SMAD1: variants seen among roughly 807,000 people sequenced by gnomAD.
SMAD1 encodes the protein SMAD family member 1.
A neutral mutation model predicts 41.6 loss-of-function variants in SMAD1; 6 were observed. The ratio of observed to expected loss-of-function variants is 0.14; its 90% CI spans 0.08 to 0.28. The LOEUF is 0.28. SMAD1 is among the 10% of genes least tolerant of loss of function. SMAD1 has a pLI of 1.00. For missense variants in SMAD1, 379 were observed against 582.6 expected (o/e 0.65, Z 3.60); for synonymous variants, 206 against 203.2 (o/e 1.01, Z -0.12).
chr4:145,542,595 A>G lies in SMAD1; in HGVS notation c.672A>G (p.Pro224=). 6.2e-7 allele frequency: 1 copy of G among 1,607,806 alleles called. No individual in the cohort carries two copies. The highest frequency in any genetic ancestry group is 8.5e-7 in the Non-Finnish European group (1 of 1,177,420). The stretch of plus-strand genomic sequence containing the variant: ...AAAACTTTGTAGCTGATACGCCCCC[A>G]CCTGCTTACCTGCCTCCTGAAGACC... ...SPFQMPADTP[P]PAYLPPEDPM... Residue 224 remains proline (P), a synonymous_variant, in exon 4 of 7, where the codon CCA becomes CCG. Coordinates refer to ENST00000302085, the MANE Select transcript of SMAD1 (RefSeq NM_005900.3).
chr4:145,491,005 A>G (rs764066051), intron 1 of SMAD1, among the ~76,000 whole-genome samples: 1 of 152,152 alleles, frequency 6.6e-6, no homozygotes, highest in Non-Finnish European at 1.5e-5. Flanking sequence ...GGGGAGTTTG[A>G]TTTATGCCAC....
At chr4:145,488,554 A>G (rs1270713936) in intron 1 of SMAD1, among the ~76,000 whole-genome samples, 2 of 144,086 alleles carry the variant, frequency 1.4e-5, no homozygotes, top group Admixed American at 1.3e-4. Flanking sequence ...AGACCTTTAT[A>G]GCTTTTTTTT....
chr4:145,496,839 T>A (rs551327607), intron 1 of SMAD1, among the ~76,000 whole-genome samples: 137 of 152,310 alleles, frequency 9.0e-4, no homozygotes, highest in African/African-American at 3.1e-3. Context: ...CCCTTTGAAG[T>A]TGGTGGTGAT....
chr4:145,496,292 A>C (rs947134373), intron 1 of SMAD1, among the ~76,000 whole-genome samples: 1 of 152,178 alleles, frequency 6.6e-6, no homozygotes, highest in African/African-American at 2.4e-5. Flanking sequence ...ACTACTGTGG[A>C]GAAGCAGTAG....
chr4:145,520,585 A>T (rs543944864), intron 2 of SMAD1, among the ~76,000 whole-genome samples: 1 of 152,216 alleles, frequency 6.6e-6, no homozygotes, highest in Admixed American at 6.5e-5. Flanking sequence ...TTAATTTTGC[A>T]TGTTTGGATA....
At chr4:145,520,618 A>G (rs1397532749) in intron 2 of SMAD1, among the ~76,000 whole-genome samples, 1 of 152,210 alleles carries the variant, frequency 6.6e-6, no homozygotes, top group African/African-American at 2.4e-5. Flanking sequence ...TGCTCTTTCC[A>G]GAGTTTTCCT....
At position 145,558,516 on chromosome 4, in the gene SMAD1, T is replaced by C. The variant is rs1732969991; in HGVS notation, c.*582T>C. ...CTTGCTGTCAGAATAATGCTAGGCA[T>C]ATGCTTTTTGCTAAATATGTATGTA... On this transcript the variant is annotated 3_prime_UTR_variant, in exon 7 of 7. Transcript: ENST00000302085. Among the ~76,000 whole-genome samples the C allele has an allele frequency of 6.6e-6, 1 of 152,226 alleles. No individual in the cohort carries two copies. The highest frequency in any genetic ancestry group is 1.5e-5 in the Non-Finnish European group (1 of 68,050).
chr4:145,482,564 G>C lies in SMAD1; in HGVS notation c.-177+526G>C, dbSNP rs1417995641. 6.6e-6 allele frequency: 1 copy of C among 150,424 alleles called. No homozygotes were observed. Among genetic ancestry groups the C allele is most frequent in the Non-Finnish European group, 1.5e-5 (1 of 67,438 alleles). The allele number at this position is 150,424 out of a possible 1,614,324, so 9.3% of individuals were successfully genotyped here. On this transcript the variant is annotated intron_variant, in intron 1 of 6. Coordinates refer to ENST00000302085, the MANE Select transcript of SMAD1 (RefSeq NM_005900.3). This position sits in a 1 kb window ranked among gnomAD's most constrained non-coding sequence, Gnocchi z 4.2. Reference sequence around the variant, plus strand: ...CTGGCGCTGCTCTCCAAGGCGCCTGGTGGAGCGGGTCTCGCGGGCGGGGGA... The same window carrying C: ...CTGGCGCTGCTCTCCAAGGCGCCTGCTGGAGCGGGTCTCGCGGGCGGGGGA...
At chr4:145,554,472 C>G (rs377283797) in intron 6 of SMAD1, among the ~76,000 whole-genome samples, 25 of 152,038 alleles carry the variant, frequency 1.6e-4, no homozygotes, top group African/African-American at 6.0e-4. Context: ...AGCAAGTGAT[C>G]TTTTTGTAAA....
chr4:145,499,424 C>G lies in SMAD1; in HGVS notation c.-176-15014C>G, dbSNP rs140722417. On this transcript the variant is annotated intron_variant, in intron 1 of 6. Transcript: ENST00000302085. The stretch of plus-strand genomic sequence containing the variant: ...ATCACTTAGCCCAGAAGTTTGAGAC[C>G]AGCTTGGGCAATGTGGCAAAACCCT... 3.7e-3 allele frequency among the ~76,000 whole-genome samples: 565 copies of G among 152,256 alleles called. 3 individuals are homozygous for G. Among genetic ancestry groups the G allele is most frequent in the African/African-American group, 0.013 (533 of 41,546 alleles).
At chr4:145,553,655 A>C in intron 5 of SMAD1, 129 bp from the exon 6 acceptor site, 1 of 826,524 alleles carries the variant, frequency 1.2e-6, no homozygotes, top group African/African-American at 1.7e-5. Flanking sequence ...TACAGGACCT[A>C]GAGAATAGCT....
In SMAD1 at chr4:145,511,019, G is replaced by A. The variant is rs527448855; in HGVS notation, c.-176-3419G>A. Among the ~76,000 whole-genome samples, 24 of 152,122 alleles carry A rather than the reference G, an allele frequency of 1.6e-4. No individual in the cohort carries two copies. The East Asian group carries it at 4.1e-3, about 26-fold the overall frequency. ...CTGTTTTATCTGAATGGATAGCTAT[G>A]CCAGCTTTTTGGGTGGAATATGCAT... On this transcript the variant is annotated intron_variant, in intron 1 of 6. Coordinates refer to ENST00000302085, the MANE Select transcript of SMAD1 (RefSeq NM_005900.3).
chr4:145,504,711 T>G (rs1341144326), intron 1 of SMAD1, among the ~76,000 whole-genome samples: 1 of 152,242 alleles, frequency 6.6e-6, no homozygotes, highest in Non-Finnish European at 1.5e-5. Flanking sequence ...AATAGTTATT[T>G]CAGCTTTATC....
chr4:145,537,295 A>G (rs1311155415), intron 2 of SMAD1, among the ~76,000 whole-genome samples: 3 of 152,134 alleles, frequency 2.0e-5, no homozygotes, highest in Non-Finnish European at 2.9e-5. Context: ...CTGAAATGCT[A>G]TAGGGTAAAG....
upstream of SMAD1, chr4:145,481,482 A>T (rs1172034182): frequency 6.6e-6 from 1 of 152,210 alleles, no homozygotes; most frequent in Non-Finnish European, 1.5e-5. Context: ...CAGAAAATAA[A>T]CATATGGAAC....
intron 2 of SMAD1, among the ~76,000 whole-genome samples, chr4:145,519,935 T>C (rs1029937180): frequency 1.3e-5 from 2 of 152,202 alleles, no homozygotes; most frequent in African/African-American, 4.8e-5. Flanking sequence ...CACTTAACAA[T>C]AATGTCCGCC....
chr4:145,510,071 A>G (rs1042673796), intron 1 of SMAD1, among the ~76,000 whole-genome samples: 3 of 151,896 alleles, frequency 2.0e-5, no homozygotes, highest in African/African-American at 7.3e-5. Context: ...GTAGCTATAG[A>G]CATGCACCGT....
At chr4:145,534,998 ATGT>A (rs1421994172) in intron 2 of SMAD1, among the ~76,000 whole-genome samples, 3 of 152,174 alleles carry the variant, frequency 2.0e-5, no homozygotes, top group Non-Finnish European at 2.9e-5. Flanking sequence ...TATCTCTAGT[ATGT>A]TGTTTTTTTT....
chr4:145,528,717 A>T (rs1731167175), intron 2 of SMAD1, among the ~76,000 whole-genome samples: 1 of 152,228 alleles, frequency 6.6e-6, no homozygotes, highest in Admixed American at 6.5e-5. Flanking sequence ...AGATGAATAG[A>T]CACCATAGGC....
Sources: gnomAD v4.1 joint callset for allele counts (sites outside exome capture counted in the v4.1 genomes callset) on GRCh38, gnomAD v4.1.1 for gene constraint, Gnocchi (gnomAD v3.1) non-coding constraint, MANE v1.5 for transcripts, NCBI Gene and HGNC (gene_info 2026-07-23, HGNC 2026-07-21) for gene names.